The following TMEM260 variants were observed in gnomAD, a reference collection of about 807,000 sequenced individuals.
The protein encoded by TMEM260 is transmembrane protein 260.
A neutral mutation model predicts 88.9 loss-of-function variants in TMEM260; 82 were observed. The observed-to-expected ratio is 0.92, with a 90% CI of 0.77 to 1.11. The LOEUF (loss-of-function observed/expected upper bound fraction) is 1.11, where lower values mean the gene tolerates loss of function less well. TMEM260 is among the 50% of genes least tolerant of loss of function. TMEM260 has a pLI of 0.00. For missense variants in TMEM260, 902 were observed against 853.4 expected, an observed-to-expected ratio of 1.06 and a Z score of -0.71; for synonymous variants, 314 against 309.3, an observed-to-expected ratio of 1.02 and a Z score of -0.16.
At chr14:56,645,290 A>G (rs1198218807) in intron 15 of TMEM260, among the ~76,000 whole-genome samples, 4 of 151,748 alleles carry the variant, frequency 2.6e-5, no homozygotes, top group Non-Finnish European at 4.4e-5. Flanking sequence ...TGGCACATAT[A>G]CACCATGGAA....
rs1207249428 is a variant in TMEM260, at chr14:56,603,893, T to G, written c.423T>G (p.Ile141Met). 1.2e-6 allele frequency: 2 copies of G among 1,613,824 alleles called. No homozygotes were observed. The highest frequency in any genetic ancestry group is 2.7e-5 in the African/African-American group (2 of 74,898). ...SFSRLTWQWS[I>M]AAEVFSLNNL... The stretch of plus-strand genomic sequence containing the variant: ...CTCGTCTAACATGGCAGTGGTCCAT[T>G]GCAGCAGAGGTTTTTAGCTTAAACA... The change falls in exon 4 of 16, where the codon ATT (isoleucine) becomes ATG (methionine). Residue 141 changes from isoleucine to methionine, a missense_variant. Coordinates refer to ENST00000261556, the MANE Select transcript of TMEM260 (RefSeq NM_017799.4).
Position 56,632,957 on chromosome 14 carries a change from A to C in TMEM260, c.1548-38A>C, listed in dbSNP as rs1323362003. On this transcript the variant is annotated intron_variant, in intron 12 of 15. Transcript: ENST00000261556. ...TATTTACTTAACATTTAAAACTTTA[A>C]ATTTTAAGTACATCATGTATTTTTC... 3.2e-6 allele frequency: 5 copies of C among 1,558,458 alleles called. No individual in the cohort carries two copies. In the African/African-American group the frequency reaches 5.5e-5, roughly 17 times the overall value.
At chr14:56,608,639 A>G (rs1466029258) in intron 5 of TMEM260, among the ~76,000 whole-genome samples, 1 of 152,206 alleles carries the variant, frequency 6.6e-6, no homozygotes, top group Non-Finnish European at 1.5e-5. Context: ...AAACGCTTGT[A>G]GAAATAATTG....
At chr14:56,644,111 C>T (rs1889793312) in intron 15 of TMEM260, among the ~76,000 whole-genome samples, 1 of 152,128 alleles carries the variant, frequency 6.6e-6, no homozygotes, top group African/African-American at 2.4e-5. Context: ...AATGCCATCC[C>T]CATCAAGCTA....
intron 15 of TMEM260, among the ~76,000 whole-genome samples, chr14:56,642,672 A>G (rs1439979663): frequency 6.6e-6 from 1 of 152,226 alleles, no homozygotes; most frequent in African/African-American, 2.4e-5. Context: ...GCAGAACTGA[A>G]GGAAATAGAG....
chr14:56,598,591 A>G (rs922366335), intron 3 of TMEM260, among the ~76,000 whole-genome samples: 7 of 152,210 alleles, frequency 4.6e-5, no homozygotes, highest in African/African-American at 7.2e-5. Flanking sequence ...CAGATAATGC[A>G]TAGGAAATAT....
At chr14:56,631,059 G>C (rs1265336477) in intron 12 of TMEM260, among the ~76,000 whole-genome samples, 1 of 152,124 alleles carries the variant, frequency 6.6e-6, no homozygotes, top group Non-Finnish European at 1.5e-5. Context: ...ATTCAACTGA[G>C]GGGAATAAGA....
At chr14:56,611,007 C>T (rs1268033819) in intron 6 of TMEM260, among the ~76,000 whole-genome samples, 2 of 147,426 alleles carry the variant, frequency 1.4e-5, no homozygotes, top group Admixed American at 6.8e-5. Flanking sequence ...CACTCTATCA[C>T]CCAGGCTGGA....
rs182655942 is a variant in TMEM260 at position 56,617,987 on chromosome 14, C to G, written c.1057-607C>G. On this transcript the variant is annotated intron_variant, in intron 9 of 15. Transcript: ENST00000261556. ...CCAAGGGGGCTTCCTCTTCCAGCAT[C>G]CCAGAATAGACAGATTTACCCACTA... is the stretch of plus-strand genomic sequence containing the variant. 3.3e-5 allele frequency among the ~76,000 whole-genome samples: 5 copies of G among 152,288 alleles called. No homozygotes were observed. The East Asian group carries it at 9.6e-4, about 29-fold the overall frequency.
intron 3 of TMEM260, among the ~76,000 whole-genome samples, chr14:56,593,677 CTTTTTTTTTTTTTTTTT>C (rs34268894): frequency 7.9e-5 from 5 of 63,506 alleles, no homozygotes; most frequent in East Asian, 4.7e-4. Flanking sequence ...AGGTGAGTGT[CTTTTTTTTTTTTTTTTT>C]TTTTTTTTTT....
At chr14:56,624,906 C>T (rs545977406) in intron 11 of TMEM260, among the ~76,000 whole-genome samples, 16 of 152,186 alleles carry the variant, frequency 1.1e-4, no homozygotes, top group African/African-American at 1.9e-4. Flanking sequence ...GGAATGGTCT[C>T]GGGATGAAAC....
intron 12 of TMEM260, among the ~76,000 whole-genome samples, chr14:56,629,271 G>GTTTTTTTTTTTTTTTT (rs60646032): frequency 7.3e-6 from 1 of 137,476 alleles, no homozygotes; most frequent in Non-Finnish European, 1.6e-5. Context: ...TGTTTTTGTT[G>GTTTTTTTTTTTTTTTT]TTTTTTTTTT....
the TMEM260 span, among the ~76,000 whole-genome samples, chr14:56,657,895 C>A: frequency 5.9e-5 from 9 of 152,212 alleles, no homozygotes; most frequent in African/African-American, 2.2e-4. Flanking sequence ...TCTCTGCTTT[C>A]TTTGGCTACC....
chr14:56,621,109 A>C (rs1887890216), intron 10 of TMEM260, among the ~76,000 whole-genome samples: 1 of 152,164 alleles, frequency 6.6e-6, no homozygotes, highest in Admixed American at 6.5e-5. Flanking sequence ...ATGCCATACA[A>C]ATTCAAGTCA....
intron 3 of TMEM260, among the ~76,000 whole-genome samples, chr14:56,597,263 C>T (rs190960327): frequency 9.2e-5 from 14 of 152,240 alleles, no homozygotes; most frequent in Admixed American, 2.0e-4. Flanking sequence ...AGGAAGTGCT[C>T]ATTGGAGCAT....
At chr14:56,591,561 ACT>A (rs1438971022) in intron 3 of TMEM260, among the ~76,000 whole-genome samples, 1 of 152,196 alleles carries the variant, frequency 6.6e-6, no homozygotes, top group Non-Finnish European at 1.5e-5. Flanking sequence ...CTTTGAGAAT[ACT>A]CTGATGGAAT....
chr14:56,617,902 G>T (rs1887685649), intron 9 of TMEM260, among the ~76,000 whole-genome samples: 2 of 152,180 alleles, frequency 1.3e-5, no homozygotes, highest in South Asian at 4.1e-4. Context: ...TACAACGGGT[G>T]GGAGAATCAC....
chr14:56,585,027 C>CT lies in TMEM260; in HGVS notation c.189dup (p.Gly64TrpfsTer16), dbSNP rs755346577. 2 of 1,611,624 alleles carry CT rather than the reference C, an allele frequency of 1.2e-6. No homozygotes were observed. The highest frequency in any genetic ancestry group is 2.7e-5 in the African/African-American group (2 of 74,802). On this transcript the variant is annotated frameshift_variant, in exon 2 of 16. Transcript: ENST00000261556. LOFTEE classifies it high-confidence loss of function. ...GGAACTGATCACAGCCGCACATGAGCTTGGAGTAAGTATTAGTTTTATTGT... is the reference window on the plus strand; with the variant it reads ...GGAACTGATCACAGCCGCACATGAGCTTTGGAGTAAGTATTAGTTTTATTGT...
the TMEM260 span, among the ~76,000 whole-genome samples, chr14:56,662,055 T>C: frequency 1.1e-4 from 16 of 152,214 alleles, no homozygotes; most frequent in Non-Finnish European, 1.8e-4. Context: ...CCTCAAAATC[T>C]GATTGCTGTT....
Sources: gnomAD v4.1 joint callset for allele counts (sites outside exome capture counted in the v4.1 genomes callset) on GRCh38, gnomAD v4.1.1 for gene constraint, MANE v1.5 for transcripts, NCBI Gene and HGNC (gene_info 2026-07-23, HGNC 2026-07-21) for gene names.